The following DAW1 variants were observed in gnomAD, a reference collection of about 807,000 sequenced individuals.
DAW1 encodes the protein dynein assembly factor with WD repeat domains 1.
In DAW1, 47 loss-of-function variants were observed where a neutral mutation model predicts 56.5. That is an observed-to-expected ratio of 0.83 (90% CI 0.66 to 1.06). The LOEUF (loss-of-function observed/expected upper bound fraction) is 1.06, where lower values mean the gene tolerates loss of function less well. Among genes scored for constraint, DAW1 ranks in the 50% least tolerant of loss-of-function variants. The probability of loss-of-function intolerance (pLI) is 0.00; values close to 1 mark genes in which losing one functional copy is unlikely to be tolerated. For synonymous variants in DAW1, 190 were observed against 179.0 expected (o/e 1.06, Z -0.49); for missense variants, 505 against 499.3 (o/e 1.01, Z -0.11).
chr2:227,906,536 T>C (rs945172129), intron 9 of DAW1, among the ~76,000 whole-genome samples, 198 bp downstream of exon 9: 1 of 152,198 alleles, frequency 6.6e-6, no homozygotes. Flanking sequence ...GTAAAGCAAT[T>C]TGAATTGCTT....
chr2:227,921,573 A>G lies in DAW1; in HGVS notation c.1213+12A>G, dbSNP rs1234053016. 6.2e-7 allele frequency: 1 copy of G among 1,609,292 alleles called. No individual in the cohort carries two copies. Among genetic ancestry groups the G allele is most frequent in the Non-Finnish European group, 8.5e-7 (1 of 1,177,190 alleles). On this transcript the variant is annotated intron_variant, in intron 12 of 12. Coordinates refer to ENST00000309931, the MANE Select transcript of DAW1 (RefSeq NM_178821.3). The stretch of plus-strand genomic sequence containing the variant: ...CATAGTCATTACAGGTATGGAAGAC[A>G]TCAACACCATAGACTCATTTTTTCT...
chr2:227,878,901 C>T (rs1690947418), intron 1 of DAW1, among the ~76,000 whole-genome samples: 1 of 150,538 alleles, frequency 6.6e-6, no homozygotes, highest in South Asian at 2.1e-4. Flanking sequence ...GATTCTCGTG[C>T]CTCAGCTTCC....
At chr2:227,911,175 G>C (rs1691805177) in intron 10 of DAW1, among the ~76,000 whole-genome samples, 1 of 129,892 alleles carries the variant, frequency 7.7e-6, no homozygotes, top group African/African-American at 2.8e-5. Context: ...ATCATGTATA[G>C]TTATATATAT....
At chr2:227,893,680 A>G in intron 4 of DAW1, 115 bp from the exon 5 acceptor site, 5 of 1,456,372 alleles carry the variant, frequency 3.4e-6, no homozygotes, top group Non-Finnish European at 4.5e-6. Flanking sequence ...TTAAACAAAC[A>G]AACAAACAAA....
chr2:227,905,021 C>T lies in DAW1; in HGVS notation c.741C>T (p.Asp247=), dbSNP rs376277056. Residue 247 remains aspartate (D), a synonymous_variant, in exon 8 of 13, where the codon GAC becomes GAT. Coordinates refer to ENST00000309931, the MANE Select transcript of DAW1 (RefSeq NM_178821.3). ...TTGATCATACCGTTGTAGTGTGGGA[C>T]GCTGATACTGGAAGGTAATTCTTAG... The part of the protein sequence containing the change: ...GSFDHTVVVW[D]ADTGRKVNIL... The T allele has an allele frequency of 1.4e-5, 22 of 1,612,330 alleles. No individual in the cohort carries two copies. The highest frequency in any genetic ancestry group is 4.5e-5 in the East Asian group (2 of 44,782).
At chr2:227,891,152 A>T (rs1691257765) in intron 3 of DAW1, 103 bp from the exon 4 acceptor site, 3 of 986,692 alleles carry the variant, frequency 3.0e-6, no homozygotes, top group Non-Finnish European at 4.7e-6. Context: ...CCTGTTTCTG[A>T]TGTATAATTA....
At chr2:227,900,999 A>G (rs1270887580) in intron 6 of DAW1, among the ~76,000 whole-genome samples, 1 of 152,150 alleles carries the variant, frequency 6.6e-6, no homozygotes, top group African/African-American at 2.4e-5. Context: ...GTAATGGCAC[A>G]CTGTTGAGAC....
rs376335163 is a variant in DAW1 at position 227,906,228 on chromosome 2, T to G, written c.756-8T>G. 429 of 1,598,640 alleles carry G rather than the reference T, an allele frequency of 2.7e-4. No homozygotes were observed. The highest frequency in any genetic ancestry group is 3.4e-4 in the Non-Finnish European group (395 of 1,169,882). The stretch of plus-strand genomic sequence containing the variant: ...CTTTCACTAGTTTTAATTATTTTTG[T>G]GTTGTAGGAAGGTAAATATCTTAAT... On this transcript the variant is annotated splice_polypyrimidine_tract_variant and splice_region_variant and intron_variant, in intron 8 of 12. Transcript: ENST00000309931.
chr2:227,923,036 A>G (rs1275842305), intron 12 of DAW1, among the ~76,000 whole-genome samples: 1 of 152,196 alleles, frequency 6.6e-6, no homozygotes, highest in African/African-American at 2.4e-5. Flanking sequence ...GAGTTTAGCA[A>G]AAGAATTTTT....
At chr2:227,891,542 G>T (rs1265292178) in intron 4 of DAW1, among the ~76,000 whole-genome samples, 1 of 152,160 alleles carries the variant, frequency 6.6e-6, no homozygotes, top group Non-Finnish European at 1.5e-5. Context: ...AGCAAATGTA[G>T]CTACTGAAGA....
chr2:227,871,648 A>T lies in DAW1; in HGVS notation c.-42A>T. 1.2e-6 allele frequency: 2 copies of T among 1,607,460 alleles called. No homozygotes were observed. The highest frequency in any genetic ancestry group is 3.3e-4 in the Middle Eastern group (2 of 6,046). ...GTCCCGCTGCTGTTTAGCCGTTTCC[A>T]AGGCTACGAAGCCCATCGGCCGGGG... On this transcript the variant is annotated 5_prime_UTR_variant, in exon 1 of 13. Transcript: ENST00000309931.
chr2:227,898,161 T>C, intron 5 of DAW1, 21 bp from the exon 6 acceptor site: 1 of 1,496,788 alleles, frequency 6.7e-7, no homozygotes, highest in Non-Finnish European at 9.1e-7. Flanking sequence ...TTAAATAATC[T>C]ACATTTCTTT....
intron 10 of DAW1, chr2:227,912,404 G>A (rs752144241): frequency 2.6e-5 from 34 of 1,304,690 alleles, no homozygotes. Flanking sequence ...TATCCGGTGT[G>A]TTCATCTCTT....
rs112329450 is a variant in DAW1, at chr2:227,910,698, C to T, written c.973+3446C>T. ...CATAATAACCATTTATTACACTAGG[C>T]TACAATTAATCTCCAGGACCTACAA... On this transcript the variant is annotated intron_variant, in intron 10 of 12. Coordinates refer to ENST00000309931, the MANE Select transcript of DAW1 (RefSeq NM_178821.3). Among the ~76,000 whole-genome samples, 1,050 of 152,202 alleles carry T rather than the reference C, an allele frequency of 6.9e-3. 17 individuals carry two copies. Among genetic ancestry groups the T allele is most frequent in the African/African-American group, 0.024 (1,003 of 41,524 alleles).
chr2:227,885,863 C>T (rs1180386906), intron 2 of DAW1, among the ~76,000 whole-genome samples: 1 of 152,184 alleles, frequency 6.6e-6, no homozygotes, highest in Non-Finnish European at 1.5e-5. Flanking sequence ...AGGATTCCAT[C>T]CAGAATCCTA....
chr2:227,884,083 A>G (rs1289129669), intron 1 of DAW1, among the ~76,000 whole-genome samples: 1 of 152,192 alleles, frequency 6.6e-6, no homozygotes, highest in Non-Finnish European at 1.5e-5. Flanking sequence ...GATGGAATAT[A>G]TTCTATGGAT....
At chr2:227,915,728 T>G (rs1316738085) in intron 10 of DAW1, among the ~76,000 whole-genome samples, 1 of 152,124 alleles carries the variant, frequency 6.6e-6, no homozygotes, top group African/African-American at 2.4e-5. Context: ...CTACTCCCAT[T>G]TATTGTGCTA....
chr2:227,888,698 A>C (rs948887878), intron 2 of DAW1, among the ~76,000 whole-genome samples: 3 of 152,258 alleles, frequency 2.0e-5, no homozygotes, highest in Non-Finnish European at 4.4e-5. Context: ...GGGAATCTGC[A>C]TAGTGCATCT....
In DAW1 at chr2:227,918,767, C is replaced by G. The variant is rs765667182; in HGVS notation, c.974-13C>G. The G allele has an allele frequency of 1.2e-6, 2 of 1,613,566 alleles. No homozygotes were observed. On this transcript the variant is annotated splice_polypyrimidine_tract_variant and intron_variant, in intron 10 of 12. Transcript: ENST00000309931. ...AAGATGAATTTATATATATCCCCACCCCTCTCAAAAAGGAACAGCAAGAAT... is the reference window on the plus strand; with the variant it reads ...AAGATGAATTTATATATATCCCCACGCCTCTCAAAAAGGAACAGCAAGAAT...
Sources: allele counts gnomAD v4.1 joint callset (sites outside exome capture counted in the v4.1 genomes callset), GRCh38; gene constraint gnomAD v4.1.1; transcripts MANE v1.5; gene names NCBI Gene and HGNC (gene_info 2026-07-23, HGNC 2026-07-21).